The following SUCLG2 variants were observed in gnomAD, a reference collection of about 807,000 sequenced individuals.
SUCLG2 encodes succinate-CoA ligase GDP-forming subunit beta.
In SUCLG2, 42 loss-of-function variants were observed where a neutral mutation model predicts 47.9. The ratio of observed to expected loss-of-function variants is 0.88; its 90% CI spans 0.69 to 1.14. The LOEUF is 1.14. Among genes scored for constraint, SUCLG2 ranks in the 50% most tolerant of loss-of-function variants. The pLI is 0.00. For synonymous variants in SUCLG2, 195 were observed against 197.3 expected (o/e 0.99, Z 0.10); for missense variants, 571 against 525.9 (o/e 1.09, Z -0.84).
At chr3:67,651,099 C>G (rs1701277650) in intron 1 of SUCLG2, among the ~76,000 whole-genome samples, 1 of 152,188 alleles carries the variant, frequency 6.6e-6, no homozygotes, top group Non-Finnish European at 1.5e-5. Context: ...TAGACCCTTA[C>G]TGCTAAATTC....
At chr3:67,594,823 C>T (rs2634734) in intron 2 of SUCLG2, among the ~76,000 whole-genome samples, 56,180 of 151,988 alleles carry the variant, frequency 0.37, 10,714 homozygotes, top group Non-Finnish European at 0.41. Flanking sequence ...TTTTAGCAAT[C>T]ATTGATATTG....
At chr3:67,383,587 G>T (rs1205724097) in intron 10 of SUCLG2, among the ~76,000 whole-genome samples, 4 of 152,126 alleles carry the variant, frequency 2.6e-5, no homozygotes, top group African/African-American at 9.7e-5. Context: ...CATCACAGCA[G>T]GAGCCCCCAG....
intron 9 of SUCLG2, among the ~76,000 whole-genome samples, chr3:67,479,525 G>C (rs1704855711): frequency 6.6e-6 from 1 of 152,144 alleles, no homozygotes; most frequent in Non-Finnish European, 1.5e-5. Flanking sequence ...CTTTTCCCCA[G>C]ACAGCACAAG....
At chr3:67,565,274 T>A (rs1053718412) in intron 2 of SUCLG2, among the ~76,000 whole-genome samples, 1 of 152,198 alleles carries the variant, frequency 6.6e-6, no homozygotes, top group Non-Finnish European at 1.5e-5. Flanking sequence ...ATATACTCTA[T>A]ATAGTTCCTG....
intron 9 of SUCLG2, among the ~76,000 whole-genome samples, chr3:67,457,399 G>A (rs891945250): frequency 5.3e-5 from 8 of 152,106 alleles, no homozygotes; most frequent in African/African-American, 1.9e-4. Context: ...TTTATAACTT[G>A]AATAATATCA....
intron 9 of SUCLG2, among the ~76,000 whole-genome samples, chr3:67,436,466 T>C (rs938495048): frequency 2.0e-5 from 3 of 152,118 alleles, no homozygotes; most frequent in South Asian, 2.1e-4. Context: ...CAAATCTTCA[T>C]TGAATGGCAT....
At chr3:67,495,287 C>A (rs1416796613) in intron 9 of SUCLG2, among the ~76,000 whole-genome samples, 2 of 152,154 alleles carry the variant, frequency 1.3e-5, no homozygotes, top group Admixed American at 6.5e-5. Context: ...ACTGTACACA[C>A]AACCTCTGAA....
chr3:67,483,110 C>A (rs1273220076), intron 9 of SUCLG2, among the ~76,000 whole-genome samples: 3 of 152,062 alleles, frequency 2.0e-5, no homozygotes, highest in Non-Finnish European at 4.4e-5. Flanking sequence ...GAAGCATTCT[C>A]AGGAGAGGTT....
intron 2 of SUCLG2, among the ~76,000 whole-genome samples, chr3:67,542,889 C>T (rs6548615): frequency 0.078 from 11,891 of 152,108 alleles, 553 homozygotes; most frequent in East Asian, 0.17. Context: ...CTTTAACATC[C>T]CACTGTCAAT....
chr3:67,626,839 C>T (rs564040361), intron 1 of SUCLG2, among the ~76,000 whole-genome samples: 6 of 136,980 alleles, frequency 4.4e-5, no homozygotes, highest in East Asian at 2.3e-4. Flanking sequence ...GCGTGAACCC[C>T]GGAGGCGGAG....
chr3:67,386,334 T>G (rs370661243), intron 10 of SUCLG2, among the ~76,000 whole-genome samples: 423 of 151,926 alleles, frequency 2.8e-3, no homozygotes, highest in African/African-American at 9.6e-3. Flanking sequence ...CCGACCTCAT[T>G]ATCCACCTGA....
intron 7 of SUCLG2, among the ~76,000 whole-genome samples, chr3:67,505,688 A>G (rs1705617136): frequency 1.3e-5 from 2 of 152,206 alleles, no homozygotes; most frequent in African/African-American, 4.8e-5. Context: ...CAGGCCAGGC[A>G]CAATGGATCA....
At chr3:67,533,722 A>C (rs147234279) in intron 2 of SUCLG2, among the ~76,000 whole-genome samples, 18 of 152,312 alleles carry the variant, frequency 1.2e-4, no homozygotes, top group African/African-American at 4.3e-4. Context: ...CAGAACCCAA[A>C]CATAAAAATA....
chr3:67,491,230 GAAAAA>G (rs533129424), intron 9 of SUCLG2, among the ~76,000 whole-genome samples: 6 of 64,168 alleles, frequency 9.4e-5, no homozygotes, highest in Non-Finnish European at 1.8e-4. Context: ...TAAGTCAGAA[GAAAAA>G]AAAAAAAAAA....
chr3:67,455,477 G>A (rs1274842030), intron 9 of SUCLG2, among the ~76,000 whole-genome samples: 2 of 152,190 alleles, frequency 1.3e-5, no homozygotes, highest in East Asian at 3.8e-4. Context: ...AATCAGACTG[G>A]AGGAAAAGAG....
chr3:67,532,698 C>G (rs1300689951), intron 2 of SUCLG2, among the ~76,000 whole-genome samples: 33 of 152,250 alleles, frequency 2.2e-4, no homozygotes, highest in Non-Finnish European at 2.9e-5. Context: ...CACTGTAAGA[C>G]ATATCTGACA....
chr3:67,386,479 CAT>C (rs143384354), intron 10 of SUCLG2, among the ~76,000 whole-genome samples: 5,847 of 152,218 alleles, frequency 0.038, 356 homozygotes, highest in African/African-American at 0.13. Context: ...CTAATAAAGA[CAT>C]ATCCAACACT....
chr3:67,577,579 T>C (rs1029743145), intron 2 of SUCLG2, among the ~76,000 whole-genome samples: 1 of 152,214 alleles, frequency 6.6e-6, no homozygotes, highest in Non-Finnish European at 1.5e-5. Flanking sequence ...TATAGAGTTC[T>C]TAAAATCTGG....
intron 2 of SUCLG2, among the ~76,000 whole-genome samples, chr3:67,544,827 T>C (rs965897740): frequency 6.6e-6 from 1 of 152,216 alleles, no homozygotes; most frequent in African/African-American, 2.4e-5. Context: ...CATGCCAGGA[T>C]CCTGCACTAT....
Sources: allele counts gnomAD v4.1 joint callset (sites outside exome capture counted in the v4.1 genomes callset), GRCh38; gene constraint gnomAD v4.1.1; transcripts MANE v1.5; gene names NCBI Gene and HGNC (gene_info 2026-07-23, HGNC 2026-07-21).